Variants in STIP1 observed in about 807,000 individuals in gnomAD.
The protein encoded by STIP1 is stress induced phosphoprotein 1.
Under a neutral mutation model 77.4 loss-of-function variants are expected in STIP1, and 16 were observed. The observed-to-expected ratio is 0.21, with a 90% CI of 0.14 to 0.31. The LOEUF (loss-of-function observed/expected upper bound fraction) is 0.31, where lower values mean the gene tolerates loss of function less well. STIP1 is among the 10% of genes least tolerant of loss of function. The pLI is 1.00. For synonymous variants in STIP1, 258 were observed against 246.6 expected (o/e 1.05, Z -0.44); for missense variants, 524 against 684.8 (o/e 0.77, Z 2.62).
intron 1 of STIP1, among the ~76,000 whole-genome samples, chr11:64,186,825 A>G (rs1254610674): frequency 6.6e-6 from 1 of 152,192 alleles, no homozygotes; most frequent in Non-Finnish European, 1.5e-5. Flanking sequence ...TTACTCTTCT[A>G]CATCTGAGAA....
rs746730380 is a variant in STIP1, at chr11:64,197,242, C to A, written c.673-29C>A. The A allele has an allele frequency of 3.1e-6, 5 of 1,613,048 alleles. No homozygotes were observed. In the South Asian group the frequency reaches 4.4e-5, roughly 14 times the overall value. Reference sequence around the variant, plus strand: ...TGCTTTGTCACCTGAGTTAGATTTGCTCAGCACTCACTTCTAAACCTCATC... The same window carrying A: ...TGCTTTGTCACCTGAGTTAGATTTGATCAGCACTCACTTCTAAACCTCATC... On this transcript the variant is annotated intron_variant, in intron 5 of 13. Coordinates refer to ENST00000305218, the MANE Select transcript of STIP1 (RefSeq NM_006819.3).
intron 10 of STIP1, among the ~76,000 whole-genome samples, chr11:64,200,590 CGTGTGT>C (rs35484605): frequency 0.021 from 3,031 of 141,218 alleles, 37 homozygotes; most frequent in East Asian, 0.065. Context: ...TCTAACTGGT[CGTGTGT>C]GTGTGTGTGT....
At chr11:64,198,137 C>T (rs1220496941) in intron 8 of STIP1, among the ~76,000 whole-genome samples, 163 bp downstream of exon 8, 1 of 151,496 alleles carries the variant, frequency 6.6e-6, no homozygotes, top group Non-Finnish European at 1.5e-5. Context: ...TGGCTCACTG[C>T]AGCCTCAACC....
chr11:64,198,204 T>C (rs1318590619), intron 8 of STIP1, among the ~76,000 whole-genome samples: 1 of 151,958 alleles, frequency 6.6e-6, no homozygotes, highest in African/African-American at 2.4e-5. Context: ...TACAGGCACG[T>C]GCCACCACGT....
intron 10 of STIP1, 55 bp from the exon 11 acceptor site, chr11:64,202,821 G>T (rs897295573): frequency 1.2e-6 from 2 of 1,609,622 alleles, no homozygotes; most frequent in African/African-American, 2.7e-5. Context: ...TGAGTTGCCT[G>T]TACTGAGCTT....
chr11:64,203,523 G>A lies in STIP1; in HGVS notation c.1460G>A (p.Arg487Gln), dbSNP rs1333870539. The A allele has an allele frequency of 3.1e-6, 5 of 1,613,934 alleles. No individual in the cohort carries two copies. Among genetic ancestry groups the A allele is most frequent in the East Asian group, 2.2e-5 (1 of 44,890 alleles). ...CACGACAGCCCCGAAGATGTGAAGCGACGAGCCATGGCCGACCCTGAGGTG... is the reference window on the plus strand; with the variant it reads ...CACGACAGCCCCGAAGATGTGAAGCAACGAGCCATGGCCGACCCTGAGGTG... ...NRHDSPEDVK[R>Q]RAMADPEVQQ... The change falls in exon 13 of 14, where the codon CGA becomes CAA. Residue 487 changes from arginine (R) to glutamine (Q), a missense_variant. By Grantham distance (43) the Arg-to-Gln change is conservative (BLOSUM62 1). Coordinates refer to ENST00000305218, the MANE Select transcript of STIP1 (RefSeq NM_006819.3).
intron 4 of STIP1, among the ~76,000 whole-genome samples, chr11:64,194,841 C>T (rs1300924830): frequency 2.0e-5 from 3 of 152,096 alleles, no homozygotes; most frequent in Non-Finnish European, 4.4e-5. Context: ...CTGTATACAC[C>T]TCTCTCCTGC....
rs757418565 is a variant in STIP1, at chr11:64,203,694, G to T, written c.1559+72G>T. 11 of 1,588,542 alleles carry T rather than the reference G, an allele frequency of 6.9e-6. No individual in the cohort carries two copies. The African/African-American group carries it at 1.1e-4, about 16-fold the overall frequency. On this transcript the variant is annotated intron_variant, in intron 13 of 13. Coordinates refer to ENST00000305218, the MANE Select transcript of STIP1 (RefSeq NM_006819.3). The stretch of plus-strand genomic sequence containing the variant: ...GCAGGCAGATGAGTGCACGCGGCTG[G>T]GGGGTGGTATGCTCAGTCTGCGAGG...
At position 64,186,225 on chromosome 11, in the gene STIP1, G is replaced by A. The variant is rs199498022; in HGVS notation, c.-37G>A. On this transcript the variant is annotated 5_prime_UTR_variant, in exon 1 of 14. Transcript: ENST00000305218. Reference sequence around the variant, plus strand: ...GTGCGGTTGGGAACGCGGAGCGGACGGATTCGATTCAACGGGGTTCCGGAC... The same window carrying A: ...GTGCGGTTGGGAACGCGGAGCGGACAGATTCGATTCAACGGGGTTCCGGAC... 4 of 1,550,488 alleles carry A rather than the reference G, an allele frequency of 2.6e-6. No homozygotes were observed. The highest frequency in any genetic ancestry group is 1.2e-5 in the South Asian group (1 of 84,048).
chr11:64,197,524 G>T lies in STIP1; in HGVS notation c.831G>T (p.Lys277Asn). 6.2e-7 allele frequency: 1 copy of T among 1,614,188 alleles called. No individual in the cohort carries two copies. The highest frequency in any genetic ancestry group is 2.2e-5 in the East Asian group (1 of 44,888). Residue 277 changes from lysine (K) to asparagine (N), a missense_variant, in exon 7 of 14, where the codon AAG (lysine) becomes AAT (asparagine). Physicochemically the swap from Lys to Asn is moderately conservative, Grantham distance 94. Transcript: ENST00000305218. Reference sequence around the variant, plus strand: ...ACTTTGAAAAGGGCGACTACAATAAGTGCCGGGAGCTTTGTGAGAAGGCCA... The same window carrying T: ...ACTTTGAAAAGGGCGACTACAATAATTGCCGGGAGCTTTGTGAGAAGGCCA... ...AVYFEKGDYN[K>N]CRELCEKAIE...
Position 64,204,236 on chromosome 11 carries a change from C to A in STIP1, c.*110C>A. Reference sequence around the variant, plus strand: ...GCAGGGGAGAGAAGGCCTCATCTCTCTATATTTATACATAACCCCGGGGAA... The same window carrying A: ...GCAGGGGAGAGAAGGCCTCATCTCTATATATTTATACATAACCCCGGGGAA... On this transcript the variant is annotated 3_prime_UTR_variant, in exon 14 of 14. Coordinates refer to ENST00000305218, the MANE Select transcript of STIP1 (RefSeq NM_006819.3). 9.1e-7 allele frequency: 1 copy of A among 1,101,776 alleles called. No individual in the cohort carries two copies. Among genetic ancestry groups the A allele is most frequent in the Non-Finnish European group, 1.3e-6 (1 of 751,190 alleles). The allele number at this position is 1,101,776 out of a possible 1,614,324, so 68.2% of individuals were successfully genotyped here.
chr11:64,190,001 C>G (rs1316879096), intron 1 of STIP1, among the ~76,000 whole-genome samples: 1 of 147,462 alleles, frequency 6.8e-6, no homozygotes, highest in Admixed American at 6.9e-5. Context: ...AATCATTTCT[C>G]TCTTTTTTTT....
upstream of STIP1, chr11:64,185,639 G>A (rs780868998): frequency 1.7e-5 from 13 of 754,892 alleles, no homozygotes; most frequent in Middle Eastern, 3.9e-4. Flanking sequence ...GAGAGGGAAA[G>A]CAACCCAGAG....
chr11:64,193,610 C>A (rs977691024), intron 2 of STIP1, among the ~76,000 whole-genome samples: 1 of 152,048 alleles, frequency 6.6e-6, no homozygotes, highest in African/African-American at 2.4e-5. Flanking sequence ...ATGGTGAAAC[C>A]CTGTCTGTAC....
At position 64,197,963 on chromosome 11, in the gene STIP1, A is replaced by G; in HGVS notation, c.1012A>G (p.Lys338Glu). ...GCACCGAACCCCAGATGTGCTCAAG[A>G]AATGCCAGCAGGTGCGTAGGAAAAG... ...AEHRTPDVLK[K>E]CQQAEKILKE... The change falls in exon 8 of 14, where the codon AAA becomes GAA. Residue 338 changes from lysine (K) to glutamate (E), a missense_variant. Coordinates refer to ENST00000305218, the MANE Select transcript of STIP1 (RefSeq NM_006819.3). 1 of 1,613,144 alleles carries G rather than the reference A, an allele frequency of 6.2e-7. No homozygotes were observed. The highest frequency in any genetic ancestry group is 1.1e-5 in the South Asian group (1 of 90,960).
In STIP1 at chr11:64,187,940, T is replaced by C. The variant is rs1002863695; in HGVS notation, c.9+1670T>C. 4.6e-5 allele frequency among the ~76,000 whole-genome samples: 7 copies of C among 151,606 alleles called. No homozygotes were observed. In the East Asian group the frequency reaches 5.8e-4, roughly 13 times the overall value. On this transcript the variant is annotated intron_variant, in intron 1 of 13. Transcript: ENST00000305218. Reference sequence around the variant, plus strand: ...GAATGACGTGAACCCTGGGGGCAGCTTGCAGTGAGCCGAGATTGCGCCACT... The same window carrying C: ...GAATGACGTGAACCCTGGGGGCAGCCTGCAGTGAGCCGAGATTGCGCCACT...
intron 4 of STIP1, among the ~76,000 whole-genome samples, chr11:64,195,087 C>T (rs1308164089): frequency 6.6e-6 from 1 of 152,090 alleles, no homozygotes; most frequent in Non-Finnish European, 1.5e-5. Context: ...TAAACTTGAC[C>T]TCTGTGACTT....
At chr11:64,203,250 A>G (rs755967961) in intron 12 of STIP1, 22 bp downstream of exon 12, 1 of 1,612,476 alleles carries the variant, frequency 6.2e-7, no homozygotes, top group African/African-American at 1.3e-5. Context: ...TCTGGCCTCC[A>G]GGGGCCCCCC....
At chr11:64,185,691 A>C (rs1946003390), upstream of STIP1, 1 of 1,256,278 alleles carries the variant, frequency 8.0e-7, no homozygotes, top group Non-Finnish European at 1.1e-6. Context: ...CCCCGACTGC[A>C]GCCGGTACTC....
Sources: gnomAD v4.1 joint callset for allele counts (sites outside exome capture counted in the v4.1 genomes callset) on GRCh38, gnomAD v4.1.1 for gene constraint, MANE v1.5 for transcripts, NCBI Gene and HGNC (gene_info 2026-07-23, HGNC 2026-07-21) for gene names.